Variants in SHISA6 observed in about 807,000 individuals in gnomAD.
SHISA6 encodes the protein protein shisa-6.
SHISA6 carries 22 observed loss-of-function variants against 47.9 expected under a neutral mutation model. The ratio of observed to expected loss-of-function variants is 0.46; its 90% CI spans 0.33 to 0.66. The LOEUF (loss-of-function observed/expected upper bound fraction) is 0.66. Ranked by LOEUF, SHISA6 falls within the 30% of genes least tolerant of loss-of-function variation. The pLI is 0.02. For synonymous variants in SHISA6, 388 were observed against 337.8 expected (o/e 1.15, Z -1.63); for missense variants, 680 against 764.6 (o/e 0.89, Z 1.30).
intron 3 of SHISA6, among the ~76,000 whole-genome samples, chr17:11,407,756 C>T (rs368864978): frequency 1.3e-5 from 2 of 152,012 alleles, no homozygotes; most frequent in South Asian, 4.2e-4. Flanking sequence ...TTGACGGCTC[C>T]TTTTTTTGGA....
intron 2 of SHISA6, among the ~76,000 whole-genome samples, chr17:11,283,350 A>C (rs993818833): frequency 6.6e-6 from 1 of 152,234 alleles, no homozygotes; most frequent in African/African-American, 2.4e-5. Flanking sequence ...AGGTTTAAGC[A>C]ATTTGTCTAC....
intron 2 of SHISA6, among the ~76,000 whole-genome samples, chr17:11,305,083 T>G (rs1416508033): frequency 6.6e-6 from 1 of 152,224 alleles, no homozygotes; most frequent in Non-Finnish European, 1.5e-5. Flanking sequence ...GCGTCACATC[T>G]CATCCCTGGT....
chr17:11,538,931 T>G (rs571297765), intron 3 of SHISA6, among the ~76,000 whole-genome samples: 1 of 151,970 alleles, frequency 6.6e-6, no homozygotes, highest in African/African-American at 2.4e-5. Flanking sequence ...TTTTTTGTTG[T>G]TGTTGTTTTT....
At chr17:11,552,315 G>A (rs1016038472) in intron 4 of SHISA6, among the ~76,000 whole-genome samples, 2 of 152,174 alleles carry the variant, frequency 1.3e-5, no homozygotes, top group Non-Finnish European at 2.9e-5. Flanking sequence ...ATTTACGAAA[G>A]ACATGAGACT....
intron 3 of SHISA6, among the ~76,000 whole-genome samples, chr17:11,466,346 G>A (rs150278297): frequency 5.0e-4 from 76 of 152,216 alleles, no homozygotes; most frequent in African/African-American, 1.7e-3. Flanking sequence ...GATGATAAAC[G>A]GGTCAAGCAG....
intron 3 of SHISA6, among the ~76,000 whole-genome samples, chr17:11,544,299 T>C (rs2071862231): frequency 6.6e-6 from 1 of 152,186 alleles, no homozygotes; most frequent in Non-Finnish European, 1.5e-5. Context: ...GGAAAAACTA[T>C]TTGCAAACCT....
rs936489831 is a variant in SHISA6 at position 11,560,878 on chromosome 17, T to C, written c.*2574T>C. The C allele has an allele frequency of 6.7e-6, 1 of 148,732 alleles. No individual in the cohort carries two copies. The highest frequency in any genetic ancestry group is 2.5e-5 in the African/African-American group (1 of 40,496). 9.2% of individuals were successfully genotyped at this position (148,732 alleles called of 1,614,324 possible). A position where few individuals can be genotyped will look rare whatever the true frequency, so the allele number is the denominator to read the frequency against. On this transcript the variant is annotated 3_prime_UTR_variant, in exon 6 of 6. Coordinates refer to ENST00000441885, the MANE Select transcript of SHISA6 (RefSeq NM_207386.4). ...CTTACTTCTTTTCAAGGATTTCTTCTGCTTCACCTTTGGGTCTAGAAGCAA... is the reference window on the plus strand; with the variant it reads ...CTTACTTCTTTTCAAGGATTTCTTCCGCTTCACCTTTGGGTCTAGAAGCAA...
intron 3 of SHISA6, among the ~76,000 whole-genome samples, chr17:11,508,302 A>C (rs2071516959): frequency 6.6e-6 from 1 of 152,248 alleles, no homozygotes; most frequent in Non-Finnish European, 1.5e-5. Context: ...TCAAAGCACC[A>C]GCATCTGGTG....
chr17:11,266,842 G>A (rs1908442465), intron 2 of SHISA6, among the ~76,000 whole-genome samples: 1 of 152,216 alleles, frequency 6.6e-6, no homozygotes, highest in African/African-American at 2.4e-5. Context: ...GCTCCTGTCT[G>A]AGGCACATCC....
intron 3 of SHISA6, among the ~76,000 whole-genome samples, chr17:11,434,607 T>C (rs1434752786): frequency 6.6e-6 from 1 of 152,208 alleles, no homozygotes; most frequent in Non-Finnish European, 1.5e-5. Context: ...TTTTTTAGTT[T>C]TTTCAGGTGT....
In SHISA6 at chr17:11,313,803, A is replaced by G. The variant is rs184424726; in HGVS notation, c.799+50277A>G. On this transcript the variant is annotated intron_variant, in intron 2 of 5. Coordinates refer to ENST00000441885, the MANE Select transcript of SHISA6 (RefSeq NM_207386.4). Reference sequence around the variant, plus strand: ...GGAGATTAGGGAAGACCAGCAAGTCAAGAGCCTGGTGATGCTGGAGGAGAG... The same window carrying G: ...GGAGATTAGGGAAGACCAGCAAGTCGAGAGCCTGGTGATGCTGGAGGAGAG... 4.6e-3 allele frequency among the ~76,000 whole-genome samples: 708 copies of G among 152,266 alleles called. 11 individuals carry two copies. Among genetic ancestry groups the G allele is most frequent in the Non-Finnish European group, 4.2e-3 (289 of 68,010 alleles).
At chr17:11,299,670 C>T (rs989642035) in intron 2 of SHISA6, among the ~76,000 whole-genome samples, 1 of 152,112 alleles carries the variant, frequency 6.6e-6, no homozygotes, top group South Asian at 2.1e-4. Context: ...TTTCCTGCAT[C>T]TTCAAAGTGC....
At chr17:11,295,870 G>A (rs1431249942) in intron 2 of SHISA6, among the ~76,000 whole-genome samples, 1 of 151,036 alleles carries the variant, frequency 6.6e-6, no homozygotes, top group Non-Finnish European at 1.5e-5. Flanking sequence ...GGCTGAGGCA[G>A]GAGAATCGCT....
At chr17:11,323,240 A>G (rs1217701858) in intron 2 of SHISA6, among the ~76,000 whole-genome samples, 1 of 152,228 alleles carries the variant, frequency 6.6e-6, no homozygotes, top group Non-Finnish European at 1.5e-5. Flanking sequence ...CCCAAACCAA[A>G]GAATAATAGA....
At chr17:11,290,232 C>T (rs1909473964) in intron 2 of SHISA6, 1 of 17,996 alleles carries the variant, frequency 5.6e-5, no homozygotes. Context: ...GTATGCATGG[C>T]ATATGTACAA....
chr17:11,300,748 G>A (rs1264397019), intron 2 of SHISA6, among the ~76,000 whole-genome samples: 2 of 151,410 alleles, frequency 1.3e-5, no homozygotes, highest in Non-Finnish European at 2.9e-5. Flanking sequence ...GGAAAAACAG[G>A]CTTCTTATTT....
chr17:11,485,676 G>A (rs1916330460), intron 3 of SHISA6, among the ~76,000 whole-genome samples: 1 of 151,880 alleles, frequency 6.6e-6, no homozygotes, highest in African/African-American at 2.4e-5. Flanking sequence ...GATTGGAGTT[G>A]GCCCCATTCC....
chr17:11,317,242 C>T (rs1170246416), intron 2 of SHISA6, among the ~76,000 whole-genome samples: 2 of 151,692 alleles, frequency 1.3e-5, no homozygotes, highest in African/African-American at 4.8e-5. Flanking sequence ...TCTTTTATTT[C>T]TTTGAATTTT....
chr17:11,555,810 C>T lies in SHISA6; in HGVS notation c.1023C>T (p.Phe341=). The T allele has an allele frequency of 6.4e-7, 1 of 1,551,846 alleles. No homozygotes were observed. The highest frequency in any genetic ancestry group is 8.7e-7 in the Non-Finnish European group (1 of 1,146,952). ...EPYDLSFSRS[F]QNLAHLPPSY... is the part of the protein sequence containing the mutation. ...ATGACCTCTCCTTCTCCCGCTCGTTCCAGAACTTGGCCCACCTGCCCCCAT... is the reference window on the plus strand; with the variant it reads ...ATGACCTCTCCTTCTCCCGCTCGTTTCAGAACTTGGCCCACCTGCCCCCAT... The change falls in exon 5 of 6, where the codon TTC becomes TTT. Residue 341 remains phenylalanine, a synonymous_variant. Transcript: ENST00000441885.
Sources: gnomAD v4.1 joint callset for allele counts (sites outside exome capture counted in the v4.1 genomes callset) on GRCh38, gnomAD v4.1.1 for gene constraint, MANE v1.5 for transcripts, NCBI Gene and HGNC (gene_info 2026-07-23, HGNC 2026-07-21) for gene names.